Variants in UNC13C observed in about 807,000 individuals in gnomAD.
UNC13C encodes protein unc-13 homolog C.
A neutral mutation model predicts 245.4 loss-of-function variants in UNC13C; 174 were observed. The ratio of observed to expected loss-of-function variants is 0.71; its 90% CI spans 0.63 to 0.80. The LOEUF (loss-of-function observed/expected upper bound fraction) is 0.80, where lower values mean the gene tolerates loss of function less well. Among genes scored for constraint, UNC13C ranks in the 30% least tolerant of loss-of-function variants. The pLI is 0.00. For missense variants in UNC13C, 2,829 were observed against 2,602.9 expected (o/e 1.09, Z -1.89); for synonymous variants, 992 against 895.1 (o/e 1.11, Z -1.93).
intron 2 of UNC13C, among the ~76,000 whole-genome samples, chr15:54,070,955 A>C (rs1253541627): frequency 6.6e-6 from 1 of 152,174 alleles, no homozygotes; most frequent in Non-Finnish European, 1.5e-5. Context: ...AAGATATATA[A>C]TTTATTATTC....
chr15:54,483,170 G>T (rs1243239819), intron 19 of UNC13C, among the ~76,000 whole-genome samples: 1 of 152,088 alleles, frequency 6.6e-6, no homozygotes, highest in African/African-American at 2.4e-5. Context: ...TAGAAAATAA[G>T]ACATCATCTT....
chr15:54,375,846 C>T (rs1187086335), intron 17 of UNC13C, among the ~76,000 whole-genome samples: 11 of 152,200 alleles, frequency 7.2e-5, no homozygotes, highest in Non-Finnish European at 1.3e-4. Flanking sequence ...CGGAGCTGTG[C>T]CTGGACTCTT....
intron 19 of UNC13C, among the ~76,000 whole-genome samples, chr15:54,418,351 T>C (rs2040564279): frequency 6.6e-6 from 1 of 151,966 alleles, no homozygotes. Context: ...AGTCGAAAAA[T>C]ATTCCATTAA....
the UNC13C span, among the ~76,000 whole-genome samples, chr15:53,966,209 G>T: frequency 6.6e-6 from 1 of 152,078 alleles, no homozygotes; most frequent in Non-Finnish European, 1.5e-5. Context: ...GTCAGTAGTT[G>T]AACCTACTGG....
chr15:53,873,650 T>C, the UNC13C span, among the ~76,000 whole-genome samples: 13,816 of 84,954 alleles, frequency 0.16, 811 homozygotes, highest in Non-Finnish European at 0.23. Context: ...GAAGTGATTC[T>C]CTTGGAGGCC....
intron 13 of UNC13C, among the ~76,000 whole-genome samples, chr15:54,313,421 T>C (rs922973838): frequency 1.3e-5 from 2 of 151,804 alleles, no homozygotes; most frequent in African/African-American, 4.8e-5. Flanking sequence ...AAGAAAACAC[T>C]GTGCTAAATA....
the UNC13C span, among the ~76,000 whole-genome samples, chr15:53,965,179 T>C: frequency 1.1e-4 from 16 of 152,302 alleles, no homozygotes; most frequent in African/African-American, 3.1e-4. Context: ...GTAAAATTTT[T>C]AATGTAAAAA....
the UNC13C span, among the ~76,000 whole-genome samples, chr15:53,953,262 T>C: frequency 1.3e-5 from 2 of 152,208 alleles, no homozygotes; most frequent in East Asian, 1.9e-4. Context: ...GTAGGCACTC[T>C]TGAATCCTGA....
intron 17 of UNC13C, among the ~76,000 whole-genome samples, chr15:54,373,474 G>T (rs998227265): frequency 6.6e-6 from 1 of 152,152 alleles, no homozygotes; most frequent in Non-Finnish European, 1.5e-5. Context: ...GCTCTGCACA[G>T]CCAGGCACAC....
At position 54,435,238 on chromosome 15, in the gene UNC13C, A is replaced by C. The variant is rs1050788220; in HGVS notation, c.4933+20171A>C. Among the ~76,000 whole-genome samples, 6 of 151,960 alleles carry C rather than the reference A, an allele frequency of 3.9e-5. No individual in the cohort carries two copies. In the East Asian group the frequency reaches 1.2e-3, roughly 29 times the overall value. ...AGCAATCCCATTACTGGGTATATAC[A>C]CAAAGGATTATGAATCATTCTATTA... On this transcript the variant is annotated intron_variant, in intron 19 of 32. Coordinates refer to ENST00000260323, the MANE Select transcript of UNC13C (RefSeq NM_001080534.3).
chr15:54,353,051 A>T (rs550239344), intron 17 of UNC13C, among the ~76,000 whole-genome samples: 1 of 152,300 alleles, frequency 6.6e-6, no homozygotes, highest in South Asian at 2.1e-4. Context: ...TCATACAGGA[A>T]AAAGGATTTA....
chr15:54,577,729 C>G (rs960894868), intron 30 of UNC13C, among the ~76,000 whole-genome samples: 22 of 152,252 alleles, frequency 1.4e-4, no homozygotes, highest in African/African-American at 9.6e-5. Context: ...TCCACTTTCC[C>G]TTGTCATTTC....
At chr15:54,321,222 A>C (rs1349431661) in intron 13 of UNC13C, 2 of 488,568 alleles carry the variant, frequency 4.1e-6, no homozygotes, top group East Asian at 5.4e-5. Flanking sequence ...AGCCATGGTC[A>C]TCAAAGGTTA....
At chr15:54,076,719 A>G (rs188131338) in intron 2 of UNC13C, among the ~76,000 whole-genome samples, 1 of 152,260 alleles carries the variant, frequency 6.6e-6, no homozygotes, top group African/African-American at 2.4e-5. Flanking sequence ...CCACCACCCA[A>G]CACACAAATA....
chr15:54,045,442 T>C (rs1896994328), intron 2 of UNC13C, among the ~76,000 whole-genome samples: 1 of 152,216 alleles, frequency 6.6e-6, no homozygotes, highest in South Asian at 2.1e-4. Context: ...ACAATTGCTC[T>C]CTTCAGTATA....
intron 4 of UNC13C, among the ~76,000 whole-genome samples, chr15:54,169,798 A>G (rs762024469): frequency 2.8e-4 from 43 of 152,244 alleles, no homozygotes; most frequent in Non-Finnish European, 5.4e-4. Flanking sequence ...TTCTTCCAAG[A>G]AACTTTCCCT....
chr15:53,993,183 C>T (rs547510838), intron 1 of UNC13C, among the ~76,000 whole-genome samples: 20 of 152,174 alleles, frequency 1.3e-4, no homozygotes, highest in Admixed American at 7.2e-4. Flanking sequence ...GAGAAATATA[C>T]GCTGAACTTC....
At chr15:54,135,751 C>T (rs2031695412) in intron 2 of UNC13C, among the ~76,000 whole-genome samples, 1 of 152,026 alleles carries the variant, frequency 6.6e-6, no homozygotes, top group Admixed American at 6.6e-5. Flanking sequence ...CAGCTTCGTT[C>T]TTTTCTTTAA....
intron 17 of UNC13C, among the ~76,000 whole-genome samples, chr15:54,364,461 G>A (rs557738698): frequency 3.3e-5 from 5 of 152,248 alleles, no homozygotes; most frequent in East Asian, 1.9e-4. Flanking sequence ...ATCAATGCTC[G>A]TTTTTCTTAG....
Sources: allele counts gnomAD v4.1 joint callset (sites outside exome capture counted in the v4.1 genomes callset), GRCh38; gene constraint gnomAD v4.1.1; transcripts MANE v1.5; gene names NCBI Gene and HGNC (gene_info 2026-07-23, HGNC 2026-07-21).